KIAA0825: variants seen among roughly 807,000 people sequenced by gnomAD.
The protein encoded by KIAA0825 is KIAA0825, also known as uncharacterized protein KIAA0825.
In KIAA0825, 119 loss-of-function variants were observed where a neutral mutation model predicts 147.6. The ratio of observed to expected loss-of-function variants is 0.81; its 90% CI spans 0.69 to 0.94. The LOEUF is 0.94. Ranked by LOEUF, KIAA0825 falls within the 40% of genes least tolerant of loss-of-function variation. KIAA0825 has a pLI of 0.00. For missense variants in KIAA0825, 1,381 were observed against 1,472.7 expected, an observed-to-expected ratio of 0.94 and a Z score of 1.02; for synonymous variants, 470 against 518.1, an observed-to-expected ratio of 0.91 and a Z score of 1.26.
chr5:94,178,018 A>T (rs996311471), intron 20 of KIAA0825, among the ~76,000 whole-genome samples: 1 of 152,084 alleles, frequency 6.6e-6, no homozygotes, highest in African/African-American at 2.4e-5. Context: ...AATAAGATTT[A>T]CAGTTTTCTG....
At chr5:94,442,479 G>C (rs1757207152) in intron 13 of KIAA0825, among the ~76,000 whole-genome samples, 1 of 152,164 alleles carries the variant, frequency 6.6e-6, no homozygotes, top group Admixed American at 6.5e-5. Flanking sequence ...CATCCCAGGA[G>C]TTCTGAATTA....
At chr5:94,325,472 A>G (rs1421458109) in intron 20 of KIAA0825, among the ~76,000 whole-genome samples, 1 of 152,004 alleles carries the variant, frequency 6.6e-6, no homozygotes, top group Non-Finnish European at 1.5e-5. Context: ...AAATTTTCCC[A>G]TGGATGTGAC....
At chr5:94,522,601 T>C (rs1358836885) in intron 4 of KIAA0825, among the ~76,000 whole-genome samples, 1 of 151,632 alleles carries the variant, frequency 6.6e-6, no homozygotes, top group African/African-American at 2.4e-5. Context: ...ACAAGAAATT[T>C]TCTATGAAAA....
At chr5:94,516,292 A>G (rs1562580590) in intron 5 of KIAA0825, among the ~76,000 whole-genome samples, 1 of 152,166 alleles carries the variant, frequency 6.6e-6, no homozygotes, top group Non-Finnish European at 1.5e-5. Context: ...CAATCATCCA[A>G]AAGGCCAACT....
At chr5:94,295,091 C>T (rs540814937) in intron 20 of KIAA0825, among the ~76,000 whole-genome samples, 10 of 152,160 alleles carry the variant, frequency 6.6e-5, no homozygotes, top group South Asian at 6.2e-4. Flanking sequence ...CACATAGTCT[C>T]ATATTTCTTG....
At chr5:94,166,496 T>A (rs1333256281) in intron 20 of KIAA0825, among the ~76,000 whole-genome samples, 1 of 148,120 alleles carries the variant, frequency 6.8e-6, no homozygotes, top group Non-Finnish European at 1.5e-5. Flanking sequence ...ATGTCCTTCC[T>A]CTTGGTTGTT....
intron 20 of KIAA0825, among the ~76,000 whole-genome samples, chr5:94,182,427 T>C (rs979396033): frequency 2.0e-5 from 3 of 151,256 alleles, no homozygotes; most frequent in African/African-American, 7.3e-5. Flanking sequence ...ACCAGGCTAC[T>C]TTTTGTATTT....
At chr5:94,496,037 G>A (rs1397432510) in intron 5 of KIAA0825, among the ~76,000 whole-genome samples, 2 of 152,142 alleles carry the variant, frequency 1.3e-5, no homozygotes, top group Non-Finnish European at 2.9e-5. Flanking sequence ...TGATGAAGAA[G>A]GGAAGACAAG....
chr5:94,421,336 C>A (rs1754156022), intron 14 of KIAA0825, among the ~76,000 whole-genome samples: 1 of 152,260 alleles, frequency 6.6e-6, no homozygotes, highest in Admixed American at 6.5e-5. Context: ...CTTCCAGCCA[C>A]ACTGCTTTTT....
chr5:94,310,728 A>G (rs1187670563), intron 20 of KIAA0825, among the ~76,000 whole-genome samples: 2 of 151,686 alleles, frequency 1.3e-5, no homozygotes, highest in Non-Finnish European at 3.0e-5. Context: ...TTATTGAATA[A>G]GCAGTGCATA....
intron 20 of KIAA0825, among the ~76,000 whole-genome samples, chr5:94,325,287 GA>G (rs1780577019): frequency 6.6e-6 from 1 of 151,880 alleles, no homozygotes; most frequent in Admixed American, 6.6e-5. Context: ...ATTAAATCCA[GA>G]AAAACAGCAG....
chr5:94,315,776 G>T (rs1779600165), intron 20 of KIAA0825, among the ~76,000 whole-genome samples: 1 of 151,660 alleles, frequency 6.6e-6, no homozygotes, highest in Non-Finnish European at 1.5e-5. Context: ...ATAGCTTCAA[G>T]GATCTGCCAT....
intron 20 of KIAA0825, among the ~76,000 whole-genome samples, chr5:94,221,331 T>C (rs1305802101): frequency 6.6e-6 from 1 of 152,204 alleles, no homozygotes; most frequent in African/African-American, 2.4e-5. Flanking sequence ...AGACTCGAAG[T>C]AAATGATGTG....
intron 20 of KIAA0825, among the ~76,000 whole-genome samples, chr5:94,253,975 A>T (rs1214279548): frequency 6.6e-6 from 1 of 152,142 alleles, no homozygotes; most frequent in Non-Finnish European, 1.5e-5. Context: ...AATTCTTGCC[A>T]ATAGACTCTT....
intron 13 of KIAA0825, among the ~76,000 whole-genome samples, chr5:94,451,481 T>A (rs754328689): frequency 2.0e-5 from 3 of 152,208 alleles, no homozygotes; most frequent in Non-Finnish European, 4.4e-5. Flanking sequence ...TGAATTTGCA[T>A]AAAATTTCAT....
At chr5:94,481,270 T>G (rs1762469054) in intron 6 of KIAA0825, among the ~76,000 whole-genome samples, 1 of 152,060 alleles carries the variant, frequency 6.6e-6, no homozygotes, top group African/African-American at 2.4e-5. Context: ...GTGGTTCATT[T>G]TATACTTCTG....
At chr5:94,349,137 G>A (rs1478376211) in intron 20 of KIAA0825, among the ~76,000 whole-genome samples, 2 of 152,166 alleles carry the variant, frequency 1.3e-5, no homozygotes, top group East Asian at 1.9e-4. Flanking sequence ...AGCAAGCAGG[G>A]GTGGCTATTC....
chr5:94,353,655 A>G (rs2150373791), intron 20 of KIAA0825, among the ~76,000 whole-genome samples: 1 of 152,248 alleles, frequency 6.6e-6, no homozygotes, highest in African/African-American at 2.4e-5. Flanking sequence ...TCTTATATAC[A>G]TTTCCATCAA....
chr5:94,347,064 T>A (rs1254612396), intron 20 of KIAA0825, among the ~76,000 whole-genome samples: 1 of 152,108 alleles, frequency 6.6e-6, no homozygotes. Context: ...ACAACCTGCA[T>A]GACTTGGCAG....
Sources: allele counts gnomAD v4.1 joint callset (sites outside exome capture counted in the v4.1 genomes callset), GRCh38; gene constraint gnomAD v4.1.1; transcripts MANE v1.5; gene names NCBI Gene and HGNC (gene_info 2026-07-23, HGNC 2026-07-21).